The following AASDH variants were observed in gnomAD, a reference collection of about 807,000 sequenced individuals.
The protein encoded by AASDH is aminoadipate-semialdehyde dehydrogenase, also known as beta-alanine-activating enzyme.
In AASDH, 81 loss-of-function variants were observed where a neutral mutation model predicts 102.3. That is an observed-to-expected ratio of 0.79 (90% CI 0.66 to 0.95). The LOEUF (loss-of-function observed/expected upper bound fraction) is 0.95. Ranked by LOEUF, AASDH falls within the 40% of genes least tolerant of loss-of-function variation. AASDH has a pLI of 0.00. For synonymous variants in AASDH, 398 were observed against 454.0 expected (o/e 0.88, Z 1.57); for missense variants, 1,203 against 1,266.2 (o/e 0.95, Z 0.76).
At chr4:56,379,157 G>A (rs1752695687) in intron 3 of AASDH, among the ~76,000 whole-genome samples, 1 of 152,142 alleles carries the variant, frequency 6.6e-6, no homozygotes, top group South Asian at 2.1e-4. Flanking sequence ...AAAGTGCTGG[G>A]ATTACAGGCA....
At position 56,366,257 on chromosome 4, in the gene AASDH, C is replaced by G. The variant is rs192262825; in HGVS notation, c.861+5194G>C. ...CCTACGAACCAAAAAAAGTCCAGGACCAGGTTGATTCACAGCCGAATTCTA... is the reference window on the plus strand; with the variant it reads ...CCTACGAACCAAAAAAAGTCCAGGAGCAGGTTGATTCACAGCCGAATTCTA... On this transcript the variant is annotated intron_variant, in intron 5 of 14. Transcript: ENST00000205214. Among the ~76,000 whole-genome samples, 538 of 152,248 alleles carry G rather than the reference C, an allele frequency of 3.5e-3. 9 individuals carry two copies. The South Asian group carries it at 0.036, about 10-fold the overall frequency.
At chr4:56,375,940 T>C (rs1306356366) in intron 4 of AASDH, among the ~76,000 whole-genome samples, 1 of 152,082 alleles carries the variant, frequency 6.6e-6, no homozygotes, top group African/African-American at 2.4e-5. Context: ...TACTCCTTTG[T>C]TAATACTCCT....
intron 14 of AASDH, among the ~76,000 whole-genome samples, chr4:56,339,603 T>C (rs1042081050): frequency 6.6e-6 from 1 of 150,526 alleles, no homozygotes; most frequent in Non-Finnish European, 1.5e-5. Flanking sequence ...ATACAAAAAT[T>C]AGCCAGGTGT....
chr4:56,384,382 G>C, intron 1 of AASDH, 41 bp from the exon 2 acceptor site: 1 of 1,226,190 alleles, frequency 8.2e-7, no homozygotes, highest in Non-Finnish European at 1.2e-6. Flanking sequence ...GGGAGTTTTA[G>C]AGAGCTCGGT....
Position 56,355,195 on chromosome 4 carries a change from T to A in AASDH, c.1090A>T (p.Asn364Tyr), listed in dbSNP as rs200668714. 5.6e-6 allele frequency: 9 copies of A among 1,613,784 alleles called. No homozygotes were observed. The highest frequency in any genetic ancestry group is 7.6e-6 in the Non-Finnish European group (9 of 1,179,858). ...TIYRIPEKTL[N>Y]STLKCELPVQ... ...GAAAACCCTTACTTGAGAGTAGAGT[T>A]AAGAGTCTTCTCTGGAATCCTATAA... The change falls in exon 6 of 15, where the codon AAC becomes TAC. Residue 364 changes from asparagine (N) to tyrosine (Y), a missense_variant. By Grantham distance (143) the Asn-to-Tyr change is moderately radical. Coordinates refer to ENST00000205214, the MANE Select transcript of AASDH (RefSeq NM_181806.4).
rs374714618 is a variant in AASDH at position 56,345,078 on chromosome 4, A to G, written c.2652+49T>C. The G allele has an allele frequency of 1.9e-5, 30 of 1,595,692 alleles. No individual in the cohort carries two copies. In the African/African-American group the frequency reaches 3.4e-4, roughly 18 times the overall value. On this transcript the variant is annotated intron_variant, in intron 12 of 14. Transcript: ENST00000205214. Reference sequence around the variant, plus strand: ...CACCTCAGCCTCTGGAGTAACTACCATTACAGGCATGCGCCACCATGCCCA... The same window carrying G: ...CACCTCAGCCTCTGGAGTAACTACCGTTACAGGCATGCGCCACCATGCCCA...
At position 56,350,091 on chromosome 4, in the gene AASDH, T is replaced by C. The variant is rs1459410976; in HGVS notation, c.1693-33A>G. 2.0e-6 allele frequency: 3 copies of C among 1,500,740 alleles called. No individual in the cohort carries two copies. The African/African-American group carries it at 4.2e-5, about 21-fold the overall frequency. The allele number at this position is 1,500,740 out of a possible 1,614,324, so 93.0% of individuals were successfully genotyped here. A position where few individuals can be genotyped will look rare whatever the true frequency, so the allele number is the denominator to read the frequency against. The stretch of plus-strand genomic sequence containing the variant: ...TGAGAGAATAGAGAAATATGTGACG[T>C]AAAGGTCTAAAAGCAAAAGACTTCA... On this transcript the variant is annotated intron_variant, in intron 10 of 14. Transcript: ENST00000205214.
chr4:56,368,709 G>C (rs9799408), intron 5 of AASDH, among the ~76,000 whole-genome samples: 3,199 of 127,616 alleles, frequency 0.025, 86 homozygotes, highest in Admixed American at 0.068. Flanking sequence ...CCACACACTG[G>C]GGACTTTTGT....
rs545919160 is a variant in AASDH at position 56,362,868 on chromosome 4, G to A, written c.862-7445C>T. The stretch of plus-strand genomic sequence containing the variant: ...ACTGAGGTACCAGGTTCATCTCACT[G>A]GGGAGTGCCGGACAGTGGGTGCAGT... On this transcript the variant is annotated intron_variant, in intron 5 of 14. Transcript: ENST00000205214. Among the ~76,000 whole-genome samples, 17 of 152,164 alleles carry A rather than the reference G, an allele frequency of 1.1e-4. No individual in the cohort carries two copies. The South Asian group carries it at 1.9e-3, about 17-fold the overall frequency.
At position 56,371,473 on chromosome 4, in the gene AASDH, T is replaced by C. The variant is rs770896569; in HGVS notation, c.839A>G (p.His280Arg). 3.1e-6 allele frequency: 5 copies of C among 1,611,800 alleles called. No individual in the cohort carries two copies. In the African/African-American group the frequency reaches 5.3e-5, roughly 17 times the overall value. The change falls in exon 5 of 15, where the codon CAT becomes CGT. Residue 280 changes from histidine to arginine, a missense_variant. Physicochemically the swap from His to Arg is conservative, Grantham distance 29 (BLOSUM62 0). Coordinates refer to ENST00000205214, the MANE Select transcript of AASDH (RefSeq NM_181806.4). ...TACCTGCAAAACAGTCACTCTATGA[T>C]GGGAAAAGAGAACGCTGGCTAATTT... is the stretch of plus-strand genomic sequence containing the variant. ...PSKLASVLFSHHRVTVLQATP... is the reference protein window; with the variant it reads ...PSKLASVLFSRHRVTVLQATP...
chr4:56,383,931 A>T, intron 2 of AASDH, 139 bp downstream of exon 2: 1 of 549,296 alleles, frequency 1.8e-6, no homozygotes, highest in South Asian at 4.6e-5. Context: ...GGAAATGCAA[A>T]CTTCTTTAGT....
chr4:56,381,647 T>TCACACACACACACACACACACA (rs1491305464), intron 3 of AASDH: 1 of 27,334 alleles, frequency 3.7e-5, no homozygotes, highest in East Asian at 1.3e-3. Context: ...TCTTGACACT[T>TCACACACACACACACACACACA]CTCACACACA....
At chr4:56,351,592 C>T (rs550436154) in intron 9 of AASDH, 135 bp from the exon 10 acceptor site, 1 of 571,144 alleles carries the variant, frequency 1.8e-6, no homozygotes, top group Non-Finnish European at 3.1e-6. Context: ...TGTCAACAAT[C>T]AATTCTAAAA....
intron 11 of AASDH, among the ~76,000 whole-genome samples, chr4:56,345,740 T>C (rs189920067): frequency 9.2e-5 from 14 of 152,342 alleles, no homozygotes; most frequent in Admixed American, 6.5e-4. Flanking sequence ...TGTGAACAAA[T>C]GCCCAGTGCA....
At chr4:56,368,772 T>G in intron 5 of AASDH, among the ~76,000 whole-genome samples, 1 of 148,482 alleles carries the variant, frequency 6.7e-6, no homozygotes, top group Non-Finnish European at 1.5e-5. Context: ...TAATGCTAAA[T>G]GATGAGTTGA....
intron 5 of AASDH, among the ~76,000 whole-genome samples, chr4:56,371,233 A>G (rs987768394): frequency 1.4e-4 from 22 of 152,188 alleles, no homozygotes; most frequent in Non-Finnish European, 2.2e-4. Context: ...AGTATGCACA[A>G]AATACATAAT....
In AASDH at chr4:56,338,628, G is replaced by A. The variant is rs748897192; in HGVS notation, c.3071C>T (p.Pro1024Leu). The change falls in exon 15 of 15, where the codon CCG (proline) becomes CTG (leucine). Residue 1024 changes from proline to leucine, a missense_variant. Transcript: ENST00000205214. ...GCCATTGTAGTTATGGAAAGCAAAC[G>A]GTGTTGCATAGACCCTTGAAGTAGT... ...FETTSRVYAT[P>L]FAFHNYNGSN... The A allele has an allele frequency of 2.4e-5, 38 of 1,614,156 alleles. No homozygotes were observed. The South Asian group carries it at 3.4e-4, about 14-fold the overall frequency.
chr4:56,352,603 C>T (rs370807565), intron 9 of AASDH, among the ~76,000 whole-genome samples: 1 of 152,144 alleles, frequency 6.6e-6, no homozygotes, highest in East Asian at 1.9e-4. Flanking sequence ...ACCATTTTGG[C>T]CAGGCCAGTC....
chr4:56,376,928 G>T (rs1182810366), intron 4 of AASDH, among the ~76,000 whole-genome samples: 1 of 149,868 alleles, frequency 6.7e-6, no homozygotes, highest in Admixed American at 6.6e-5. Flanking sequence ...TTAGCCGGGC[G>T]TAGTGGCGGG....
Sources: gnomAD v4.1 joint callset for allele counts (sites outside exome capture counted in the v4.1 genomes callset) on GRCh38, gnomAD v4.1.1 for gene constraint, MANE v1.5 for transcripts, NCBI Gene and HGNC (gene_info 2026-07-23, HGNC 2026-07-21) for gene names.